The following ANKRD10 variants were observed in gnomAD, a reference collection of about 807,000 sequenced individuals.
ANKRD10 encodes ankyrin repeat domain 10.
In ANKRD10, 14 loss-of-function variants were observed where a neutral mutation model predicts 27.0. That is an observed-to-expected ratio of 0.52 (90% CI 0.34 to 0.81). The LOEUF (loss-of-function observed/expected upper bound fraction) is 0.81, where lower values mean the gene tolerates loss of function less well. Ranked by LOEUF, ANKRD10 falls within the 40% of genes least tolerant of loss-of-function variation. ANKRD10 has a pLI of 0.01. For synonymous variants in ANKRD10, 250 were observed against 224.5 expected, an observed-to-expected ratio of 1.11 and a Z score of -1.01; for missense variants, 493 against 544.0, an observed-to-expected ratio of 0.91 and a Z score of 0.93.
intron 5 of ANKRD10, 146 bp from the exon 6 acceptor site, chr13:110,880,258 A>G (rs2064787944): frequency 1.4e-6 from 1 of 711,706 alleles, no homozygotes; most frequent in Middle Eastern, 3.8e-4. Flanking sequence ...AGTAAAATCA[A>G]TGTGCATAAG....
At chr13:110,897,478 T>C (rs890498827) in intron 3 of ANKRD10, among the ~76,000 whole-genome samples, 4 of 152,062 alleles carry the variant, frequency 2.6e-5, no homozygotes, top group South Asian at 2.1e-4. Flanking sequence ...TTTATCTTTC[T>C]GTGCCTGGCT....
In ANKRD10 at chr13:110,880,004, T is replaced by C. The variant is rs1324949091; in HGVS notation, c.896A>G (p.Asn299Ser). 6.2e-7 allele frequency: 1 copy of C among 1,614,182 alleles called. No homozygotes were observed. Among genetic ancestry groups the C allele is most frequent in the Non-Finnish European group, 8.5e-7 (1 of 1,180,012 alleles). Residue 299 changes from asparagine to serine, a missense_variant, in exon 6 of 6, where the codon AAT becomes AGT. Asn to Ser is a conservative substitution (Grantham distance 46, BLOSUM62 1). Transcript: ENST00000267339. ...GTTAGTTCCTGTCAAGCACTGGCCA[T>C]TCCTGCTTTCCATCCCACTGAGCGG... ...TTPLSGMESR[N>S]GQCLTGTNGI... is the part of the protein sequence containing the mutation.
At chr13:110,899,731 ATTTT>A (rs2065331923) in intron 3 of ANKRD10, among the ~76,000 whole-genome samples, 1 of 151,888 alleles carries the variant, frequency 6.6e-6, no homozygotes, top group Non-Finnish European at 1.5e-5. Flanking sequence ...CAGGCCACCC[ATTTT>A]CTCTCTACTA....
At position 110,879,762 on chromosome 13, in the gene ANKRD10, A is replaced by G. The variant is rs931217461; in HGVS notation, c.1138T>C (p.Phe380Leu). The change falls in exon 6 of 6, where the codon TTT becomes CTT. Residue 380 changes from phenylalanine (F) to leucine (L), a missense_variant. Physicochemically the swap from Phe to Leu is conservative, Grantham distance 22 (BLOSUM62 0). Coordinates refer to ENST00000267339, the MANE Select transcript of ANKRD10 (RefSeq NM_017664.4). Reference sequence around the variant, plus strand: ...GGGATGCTTTCAGCAGTGTCCCCAAACCCGTGGTAGTGTCCATAGTACAGG... The same window carrying G: ...GGGATGCTTTCAGCAGTGTCCCCAAGCCCGTGGTAGTGTCCATAGTACAGG... ...DNLYYGHYHGFGDTAESIPEL... is the reference protein window; with the variant it reads ...DNLYYGHYHGLGDTAESIPEL... The G allele has an allele frequency of 6.2e-7, 1 of 1,614,172 alleles. No individual in the cohort carries two copies. Among genetic ancestry groups the G allele is most frequent in the Non-Finnish European group, 8.5e-7 (1 of 1,180,040 alleles).
At chr13:110,913,350 G>A (rs550642340) in intron 1 of ANKRD10, among the ~76,000 whole-genome samples, 1 of 152,334 alleles carries the variant, frequency 6.6e-6, no homozygotes, top group Non-Finnish European at 1.5e-5. Context: ...GCTGCACGCA[G>A]AAGCGCAGGG....
chr13:110,879,673 G>A lies in ANKRD10; in HGVS notation c.1227C>T (p.Ala409=), dbSNP rs768400249. ...GGTGCAGGTGCATGGTGCCCAGCACGGCACTGTCGTACCGCTCCTGCACCT... is the reference window on the plus strand; with the variant it reads ...GGTGCAGGTGCATGGTGCCCAGCACAGCACTGTCGTACCGCTCCTGCACCT... The part of the protein sequence containing the change: ...SVKVQERYDS[A]VLGTMHLHHG... The change falls in exon 6 of 6, where the codon GCC becomes GCT. Residue 409 remains alanine, a synonymous_variant. Transcript: ENST00000267339. 5.6e-6 allele frequency: 9 copies of A among 1,613,680 alleles called. No homozygotes were observed. Among genetic ancestry groups the A allele is most frequent in the East Asian group, 4.5e-5 (2 of 44,898 alleles).
chr13:110,893,904 G>A (rs149025899), intron 3 of ANKRD10, among the ~76,000 whole-genome samples: 4 of 152,296 alleles, frequency 2.6e-5, no homozygotes, highest in East Asian at 3.9e-4. Flanking sequence ...GAGCATTTGA[G>A]TAGTTGGTTC....
chr13:110,883,254 T>C (rs2064852378), intron 5 of ANKRD10: 1 of 153,832 alleles, frequency 6.5e-6, no homozygotes, highest in Non-Finnish European at 1.4e-5. Flanking sequence ...CTCTTTGTGG[T>C]ATATTGGTTT....
chr13:110,905,522 A>G (rs1218146866), intron 3 of ANKRD10, among the ~76,000 whole-genome samples: 1 of 152,264 alleles, frequency 6.6e-6, no homozygotes, highest in Non-Finnish European at 1.5e-5. Flanking sequence ...AGGAACTATC[A>G]ACCATTAAGT....
At chr13:110,883,630 C>T in intron 5 of ANKRD10, 68 bp downstream of exon 5, 1 of 1,597,860 alleles carries the variant, frequency 6.3e-7, no homozygotes, top group Admixed American at 1.7e-5. Context: ...CAGAACCACT[C>T]TCCTGCTGTT....
At chr13:110,908,671 C>A (rs1290665919) in intron 2 of ANKRD10, among the ~76,000 whole-genome samples, 1 of 152,014 alleles carries the variant, frequency 6.6e-6, no homozygotes, top group Non-Finnish European at 1.5e-5. Flanking sequence ...AGCAGGTAGG[C>A]GGGGTGGGGA....
rs184590721 is a variant in ANKRD10 at position 110,894,059 on chromosome 13, C to T, written c.456-796G>A. ...CTCAGATTCAAGTAGGAAGTGATGG[C>T]AGAGTAAGTGAAAGAGCTGAATAAA... is the stretch of plus-strand genomic sequence containing the variant. On this transcript the variant is annotated intron_variant, in intron 3 of 5. Transcript: ENST00000267339. 2.3e-6 allele frequency: 3 copies of T among 1,301,758 alleles called. No homozygotes were observed. The Admixed American group carries it at 5.1e-5, about 22-fold the overall frequency. 80.6% of individuals were successfully genotyped at this position (1,301,758 alleles called of 1,614,324 possible).
intron 1 of ANKRD10, among the ~76,000 whole-genome samples, chr13:110,913,936 G>A (rs753831002): frequency 6.6e-5 from 10 of 152,170 alleles, no homozygotes; most frequent in Non-Finnish European, 2.9e-5. Context: ...GCAGCACTGT[G>A]TTCCCCCAGA....
chr13:110,887,482 C>T (rs1156527722), intron 4 of ANKRD10, among the ~76,000 whole-genome samples: 2 of 152,156 alleles, frequency 1.3e-5, no homozygotes, highest in African/African-American at 4.8e-5. Context: ...GGCATGCCTG[C>T]AGATACATGT....
intron 5 of ANKRD10, among the ~76,000 whole-genome samples, chr13:110,880,550 C>T (rs2064796111): frequency 6.6e-6 from 1 of 152,242 alleles, no homozygotes; most frequent in African/African-American, 2.4e-5. Context: ...CTCTAGTTCT[C>T]AAGCGAAAAT....
rs946991644 is a variant in ANKRD10, at chr13:110,880,188, A to G, written c.788-76T>C. On this transcript the variant is annotated intron_variant, in intron 5 of 5. Transcript: ENST00000267339. ...AGAAACTATAAAATGCTTCACTGCC[A>G]TTACAATTTTAAAGAATTTTAGTTT... 2.4e-6 allele frequency: 3 copies of G among 1,231,644 alleles called. No individual in the cohort carries two copies. The African/African-American group carries it at 4.6e-5, about 19-fold the overall frequency. The allele number at this position is 1,231,644 out of a possible 1,614,324, so 76.3% of individuals were successfully genotyped here.
chr13:110,882,348 A>G (rs2064836346), intron 5 of ANKRD10, among the ~76,000 whole-genome samples: 1 of 152,212 alleles, frequency 6.6e-6, no homozygotes, highest in African/African-American at 2.4e-5. Context: ...CTTCCAGTGG[A>G]CGTGGAGTGC....
rs528062137 is a variant in ANKRD10 at position 110,895,661 on chromosome 13, T to C, written c.456-2398A>G. Among the ~76,000 whole-genome samples, 31 of 152,296 alleles carry C rather than the reference T, an allele frequency of 2.0e-4. No homozygotes were observed. The South Asian group carries it at 6.2e-3, about 31-fold the overall frequency. ...AGGGCATGCCAACATTCTGAAATTGTTAAAAGAACATCCAAAGCACATTCG... is the reference window on the plus strand; with the variant it reads ...AGGGCATGCCAACATTCTGAAATTGCTAAAAGAACATCCAAAGCACATTCG... On this transcript the variant is annotated intron_variant, in intron 3 of 5. Transcript: ENST00000267339.
chr13:110,902,167 A>G (rs2065403590), intron 3 of ANKRD10, among the ~76,000 whole-genome samples: 1 of 152,084 alleles, frequency 6.6e-6, no homozygotes, highest in South Asian at 2.1e-4. Context: ...AGATTTTGTA[A>G]CTGAAATATT....
Sources: allele counts gnomAD v4.1 joint callset (sites outside exome capture counted in the v4.1 genomes callset), GRCh38; gene constraint gnomAD v4.1.1; transcripts MANE v1.5; gene names NCBI Gene and HGNC (gene_info 2026-07-23, HGNC 2026-07-21).